Variants in PCDHGA7 observed in about 807,000 individuals in gnomAD.
The protein encoded by PCDHGA7 is protocadherin gamma subfamily A, 7, also known as protocadherin gamma-A7.
Under a neutral mutation model 58.3 loss-of-function variants are expected in PCDHGA7, and 44 were observed. The ratio of observed to expected loss-of-function variants is 0.75; its 90% CI spans 0.59 to 0.97. PCDHGA7 has a LOEUF of 0.97. Among genes scored for constraint, PCDHGA7 ranks in the 50% least tolerant of loss-of-function variants. The probability of loss-of-function intolerance (pLI) is 0.00; values close to 1 mark genes in which losing one functional copy is unlikely to be tolerated. For missense variants in PCDHGA7, 1,266 were observed against 1,188.7 expected (o/e 1.06, Z -0.96); for synonymous variants, 516 against 504.2 (o/e 1.02, Z -0.31).
Position 141,390,222 on chromosome 5 carries a change from G to A in PCDHGA7, c.2424+4899G>A, listed in dbSNP as rs758225583. The A allele has an allele frequency of 1.1e-5, 18 of 1,613,904 alleles. 1 individual carries two copies. In the Middle Eastern group the frequency reaches 9.9e-4, roughly 88 times the overall value. ...GAGTTCAGGACAAGACATACTTTGC[G>A]GTGATTCATCTGGGGCCTTATTTCC... On this transcript the variant is annotated intron_variant, in intron 1 of 3. Transcript: ENST00000518325.
At chr5:141,414,313 T>C in intron 1 of PCDHGA7, 1 of 1,613,748 alleles carries the variant, frequency 6.2e-7, no homozygotes, top group Non-Finnish European at 8.5e-7. Context: ...TGATTTAGAC[T>C]CTGAGCAGAA....
rs2099884413 is a variant in PCDHGA7, at chr5:141,512,781, G to A, written c.*1608G>A. ...CCTTGATCTGCCCGCGGCGGCCCGT[G>A]TTGTGTTTTGTGCTGTGTCCACGCG... is the stretch of plus-strand genomic sequence containing the variant. On this transcript the variant is annotated 3_prime_UTR_variant, in exon 4 of 4. Transcript: ENST00000518325. 1 of 152,534 alleles carries A rather than the reference G, an allele frequency of 6.6e-6. No individual in the cohort carries two copies. Among genetic ancestry groups the A allele is most frequent in the African/African-American group, 2.4e-5 (1 of 41,444 alleles). 9.4% of individuals were successfully genotyped at this position (152,534 alleles called of 1,614,324 possible). A position where few individuals can be genotyped will look rare whatever the true frequency, so the allele number is the denominator to read the frequency against.
intron 1 of PCDHGA7, chr5:141,427,833 G>T (rs1345567011): frequency 6.5e-7 from 1 of 1,540,964 alleles, no homozygotes; most frequent in Non-Finnish European, 8.9e-7. Flanking sequence ...CGCGCAGCGT[G>T]CCTTCGACCA....
intron 1 of PCDHGA7, chr5:141,419,693 A>G (rs1241615790): frequency 6.2e-7 from 1 of 1,612,884 alleles, no homozygotes; most frequent in Non-Finnish European, 8.5e-7. Flanking sequence ...GGTGCAGGCC[A>G]GTGAGCCCGG....
At chr5:141,499,330 C>T (rs1040336371) in intron 2 of PCDHGA7, among the ~76,000 whole-genome samples, 1 of 152,170 alleles carries the variant, frequency 6.6e-6, no homozygotes, top group African/African-American at 2.4e-5. Flanking sequence ...CCTGCTCTCT[C>T]TCAGTTTGGG....
At chr5:141,455,755 T>C (rs1283272521) in intron 1 of PCDHGA7, among the ~76,000 whole-genome samples, 1 of 152,150 alleles carries the variant, frequency 6.6e-6, no homozygotes, top group Non-Finnish European at 1.5e-5. Flanking sequence ...CTGGCCTGGC[T>C]CCTAGAGCCG....
intron 1 of PCDHGA7, among the ~76,000 whole-genome samples, chr5:141,450,006 C>CTATTTT (rs70988802): frequency 0.12 from 16,177 of 132,696 alleles, 1,810 homozygotes; most frequent in African/African-American, 0.21. Flanking sequence ...TGCCATGTCT[C>CTATTTT]TTTTTTTTTT....
At chr5:141,445,169 T>C (rs2098458681) in intron 1 of PCDHGA7, among the ~76,000 whole-genome samples, 3 of 152,320 alleles carry the variant, frequency 2.0e-5, no homozygotes, top group Non-Finnish European at 1.5e-5. Flanking sequence ...TACAGAAAAA[T>C]GAAAAACTAT....
intron 2 of PCDHGA7, 103 bp from the exon 3 acceptor site, chr5:141,505,290 G>A: frequency 3.2e-6 from 5 of 1,564,680 alleles, no homozygotes; most frequent in Non-Finnish European, 4.3e-6. Context: ...TTGGGCATGG[G>A]GTAGGGTTAG....
chr5:141,447,329 G>A (rs1328071539), intron 1 of PCDHGA7, among the ~76,000 whole-genome samples: 6 of 151,732 alleles, frequency 4.0e-5, no homozygotes, highest in Admixed American at 1.3e-4. Context: ...TAGTAGAGAC[G>A]GGTTTCATCA....
intron 1 of PCDHGA7, chr5:141,492,023 C>T: frequency 1.8e-6 from 1 of 564,804 alleles, no homozygotes; most frequent in Non-Finnish European, 3.0e-6. Context: ...TCGGGGGTCC[C>T]GGGAGGAGGC....
In PCDHGA7 at chr5:141,403,333, C is replaced by T. The variant is rs376895778; in HGVS notation, c.2424+18010C>T. On this transcript the variant is annotated intron_variant, in intron 1 of 3. Transcript: ENST00000518325. ...TAGAAATAGAAGTAACTGATATTAA[C>T]GACAGCGCCCCAAAGTTCCAGGCCG... is the stretch of plus-strand genomic sequence containing the variant. 5 of 1,613,866 alleles carry T rather than the reference C, an allele frequency of 3.1e-6. No homozygotes were observed. The African/African-American group carries it at 5.3e-5, about 17-fold the overall frequency.
chr5:141,410,118 G>T (rs2095358965), intron 1 of PCDHGA7: 3 of 1,612,304 alleles, frequency 1.9e-6, no homozygotes, highest in East Asian at 4.5e-5. Context: ...GACGCAGCCC[G>T]CCAGCGCCTG....
At position 141,393,547 on chromosome 5, in the gene PCDHGA7, C is replaced by G. The variant is rs761723933; in HGVS notation, c.2424+8224C>G. 11 of 1,613,820 alleles carry G rather than the reference C, an allele frequency of 6.8e-6. No homozygotes were observed. The African/African-American group carries it at 9.3e-5, about 14-fold the overall frequency. On this transcript the variant is annotated intron_variant, in intron 1 of 3. Transcript: ENST00000518325. ...GACAATGCCCCGGTTTTTCCTCACCCGATTTACCGAGTGAAAGTCCTTGAG... is the reference window on the plus strand; with the variant it reads ...GACAATGCCCCGGTTTTTCCTCACCGGATTTACCGAGTGAAAGTCCTTGAG...
intron 1 of PCDHGA7, among the ~76,000 whole-genome samples, chr5:141,425,078 G>A (rs1196415752): frequency 3.9e-5 from 6 of 152,112 alleles, no homozygotes; most frequent in Admixed American, 6.5e-5. Flanking sequence ...AATTTCAACT[G>A]TAGGAAAGGC....
At chr5:141,497,101 G>A (rs1465038195) in intron 2 of PCDHGA7, among the ~76,000 whole-genome samples, 1 of 152,042 alleles carries the variant, frequency 6.6e-6, no homozygotes, top group African/African-American at 2.4e-5. Flanking sequence ...AGGCAGAACT[G>A]CTTGAACCCG....
chr5:141,393,690 C>T (rs779487285), intron 1 of PCDHGA7: 4 of 1,613,752 alleles, frequency 2.5e-6, no homozygotes, highest in Non-Finnish European at 2.5e-6. Context: ...TCCGTTATTC[C>T]AGCTTAATGA....
At chr5:141,419,668 G>A (rs752237614) in intron 1 of PCDHGA7, 1 of 1,612,892 alleles carries the variant, frequency 6.2e-7, no homozygotes, top group East Asian at 2.2e-5. Context: ...ACAATGCCTG[G>A]CTGTCCTACC....
At chr5:141,423,618 C>T (rs2096760725) in intron 1 of PCDHGA7, 2 of 1,608,284 alleles carry the variant, frequency 1.2e-6, no homozygotes, top group East Asian at 2.2e-5. Flanking sequence ...TAGCTGAAGA[C>T]TCAGCTATCA....
Sources: allele counts gnomAD v4.1 joint callset (sites outside exome capture counted in the v4.1 genomes callset), GRCh38; gene constraint gnomAD v4.1.1; transcripts MANE v1.5; gene names NCBI Gene and HGNC (gene_info 2026-07-23, HGNC 2026-07-21).